Variants in LSM14A observed in about 807,000 individuals in gnomAD.
LSM14A encodes protein LSM14 homolog A.
In LSM14A, 14 loss-of-function variants were observed where a neutral mutation model predicts 52.4. The observed-to-expected ratio is 0.27, with a 90% CI of 0.18 to 0.42. The LOEUF (loss-of-function observed/expected upper bound fraction) is 0.42. Ranked by LOEUF, LSM14A falls within the 10% of genes least tolerant of loss-of-function variation. LSM14A has a pLI of 1.00. For missense variants in LSM14A, 417 were observed against 581.8 expected (o/e 0.72, Z 2.91); for synonymous variants, 185 against 200.3 (o/e 0.92, Z 0.64).
chr19:34,201,446 G>A (rs376979151), intron 3 of LSM14A, among the ~76,000 whole-genome samples: 4 of 152,162 alleles, frequency 2.6e-5, no homozygotes, highest in Middle Eastern at 3.2e-3. Context: ...GGGTTCAAGC[G>A]AGTCTCCTGC....
At chr19:34,172,868 G>A (rs1283853662) in intron 1 of LSM14A, 105 bp downstream of exon 1, 25 of 1,308,206 alleles carry the variant, frequency 1.9e-5, no homozygotes, top group Non-Finnish European at 2.4e-5. Flanking sequence ...CCTCCGTCGA[G>A]CTCCGGGAGG....
chr19:34,184,098 C>T (rs1410734136), intron 1 of LSM14A, among the ~76,000 whole-genome samples: 3 of 150,858 alleles, frequency 2.0e-5, no homozygotes, highest in African/African-American at 7.3e-5. Context: ...AGTTGTCACC[C>T]AGGCTGGAGT....
intron 4 of LSM14A, among the ~76,000 whole-genome samples, chr19:34,214,087 C>A (rs1273111179): frequency 6.6e-6 from 1 of 151,992 alleles, no homozygotes; most frequent in African/African-American, 2.4e-5. Flanking sequence ...CCAGCCAAAC[C>A]CCATATTAAG....
chr19:34,194,002 C>G (rs1204368649), intron 1 of LSM14A, among the ~76,000 whole-genome samples: 1 of 152,130 alleles, frequency 6.6e-6, no homozygotes, highest in Non-Finnish European at 1.5e-5. Flanking sequence ...AAGACCTCAT[C>G]TCTACTAAAA....
chr19:34,186,479 C>A (rs535302456), intron 1 of LSM14A, among the ~76,000 whole-genome samples: 1 of 152,318 alleles, frequency 6.6e-6, no homozygotes, highest in African/African-American at 2.4e-5. Context: ...GTTCTGCCAG[C>A]CTGCTCTGCA....
intron 6 of LSM14A, among the ~76,000 whole-genome samples, chr19:34,218,970 C>G (rs2072872783): frequency 6.6e-6 from 1 of 152,154 alleles, no homozygotes; most frequent in Admixed American, 6.6e-5. Context: ...GTTATTCTTT[C>G]CATAAAAGGC....
chr19:34,180,942 AAC>A (rs1253946618), intron 1 of LSM14A, among the ~76,000 whole-genome samples: 5 of 152,146 alleles, frequency 3.3e-5, no homozygotes, highest in Non-Finnish European at 7.4e-5. Context: ...TCAAGCCTCC[AAC>A]ACCTCCCCCA....
chr19:34,182,835 C>G (rs1011632370), intron 1 of LSM14A, among the ~76,000 whole-genome samples: 14 of 115,162 alleles, frequency 1.2e-4, no homozygotes, highest in Non-Finnish European at 1.8e-5. Flanking sequence ...CAGTGAGACT[C>G]CATCTCAAAA....
chr19:34,226,394 T>TTTTTTC, intron 9 of LSM14A: 2 of 1,493,650 alleles, frequency 1.3e-6, no homozygotes, highest in Non-Finnish European at 1.8e-6. Flanking sequence ...TTTTTTTTTT[T>TTTTTTC]TTTTACCTTT....
chr19:34,202,326 T>C (rs1422323451), intron 3 of LSM14A, among the ~76,000 whole-genome samples: 1 of 148,748 alleles, frequency 6.7e-6, no homozygotes, highest in Non-Finnish European at 1.5e-5. Context: ...AAACCCTGGC[T>C]CTACAAAAAA....
chr19:34,173,498 C>T (rs2068863861), intron 1 of LSM14A, among the ~76,000 whole-genome samples: 1 of 152,160 alleles, frequency 6.6e-6, no homozygotes, highest in African/African-American at 2.4e-5. Flanking sequence ...GATCCAGGCT[C>T]AGTGGGCGTT....
chr19:34,226,375 CTTTTTTTTTTTTTTT>C, intron 9 of LSM14A: 3 of 1,195,542 alleles, frequency 2.5e-6, no homozygotes, highest in Non-Finnish European at 3.3e-6. Context: ...ATCTCTTTCT[CTTTTTTTTTTTTTTT>C]TTTTTTTTAC....
chr19:34,204,969 T>TA (rs1417676274), intron 3 of LSM14A, among the ~76,000 whole-genome samples: 1 of 151,052 alleles, frequency 6.6e-6, no homozygotes, highest in Non-Finnish European at 1.5e-5. Flanking sequence ...TCGTCTCTAT[T>TA]AAAAATACAA....
At chr19:34,186,243 A>G (rs1190349858) in intron 1 of LSM14A, among the ~76,000 whole-genome samples, 1 of 152,230 alleles carries the variant, frequency 6.6e-6, no homozygotes, top group Non-Finnish European at 1.5e-5. Context: ...AGAACAGATT[A>G]TTTCAGCCCA....
intron 3 of LSM14A, among the ~76,000 whole-genome samples, chr19:34,207,743 C>A (rs1599701753): frequency 2.0e-5 from 3 of 152,162 alleles, no homozygotes; most frequent in Admixed American, 2.0e-4. Context: ...ACTGGTCAGG[C>A]CAGTCTTGAA....
intron 3 of LSM14A, among the ~76,000 whole-genome samples, chr19:34,201,026 A>G (rs534462691): frequency 1.3e-5 from 2 of 152,316 alleles, no homozygotes; most frequent in East Asian, 3.9e-4. Context: ...CCATTCTTCA[A>G]GGTTTACTTT....
chr19:34,204,340 CAGAT>C (rs1473878714), intron 3 of LSM14A, among the ~76,000 whole-genome samples: 2 of 152,090 alleles, frequency 1.3e-5, no homozygotes, highest in African/African-American at 4.8e-5. Flanking sequence ...GAAAAATCCC[CAGAT>C]AATTTGGTAT....
At chr19:34,187,435 C>T (rs1405671313) in intron 1 of LSM14A, among the ~76,000 whole-genome samples, 1 of 152,022 alleles carries the variant, frequency 6.6e-6, no homozygotes, top group Admixed American at 6.6e-5. Context: ...TGTGCCACCA[C>T]AACCGGCTAA....
At chr19:34,195,857 G>A (rs1007224441) in intron 2 of LSM14A, among the ~76,000 whole-genome samples, 3 of 152,166 alleles carry the variant, frequency 2.0e-5, no homozygotes, top group African/African-American at 7.2e-5. Context: ...TATGAAAATG[G>A]TGTTGAATAA....
Sources: allele counts gnomAD v4.1 joint callset (sites outside exome capture counted in the v4.1 genomes callset), GRCh38; gene constraint gnomAD v4.1.1; transcripts MANE v1.5; gene names NCBI Gene and HGNC (gene_info 2026-07-23, HGNC 2026-07-21).